Variants in PRMT8 observed in about 807,000 individuals in gnomAD.
PRMT8 encodes protein arginine N-methyltransferase 8.
A neutral mutation model predicts 47.1 loss-of-function variants in PRMT8; 7 were observed. The observed-to-expected ratio is 0.15, with a 90% CI of 0.08 to 0.28. The LOEUF is 0.28. Among genes scored for constraint, PRMT8 ranks in the 10% least tolerant of loss-of-function variants. The probability of loss-of-function intolerance (pLI) is 1.00; values close to 1 mark genes in which losing one functional copy is unlikely to be tolerated. For synonymous variants in PRMT8, 188 were observed against 186.5 expected (o/e 1.01, Z -0.07); for missense variants, 237 against 505.4 (o/e 0.47, Z 5.09).
intron 1 of PRMT8, among the ~76,000 whole-genome samples, chr12:3,424,887 C>A (rs1004488138): frequency 6.6e-6 from 1 of 152,162 alleles, no homozygotes; most frequent in Non-Finnish European, 1.5e-5. Flanking sequence ...AAATGAGTCC[C>A]GCGATGAGTT....
At chr12:3,418,801 G>C (rs572978209) in intron 1 of PRMT8, among the ~76,000 whole-genome samples, 1 of 152,010 alleles carries the variant, frequency 6.6e-6, no homozygotes, top group African/African-American at 2.4e-5. Flanking sequence ...GGAAGGGTGG[G>C]TGGGGCTGGG....
intron 4 of PRMT8, among the ~76,000 whole-genome samples, chr12:3,568,305 G>C (rs1866766513): frequency 6.6e-6 from 1 of 151,818 alleles, no homozygotes. Context: ...CTCAGGGGTG[G>C]CTGGAAGAGG....
At chr12:3,527,132 G>GT (rs1239903258) in intron 1 of PRMT8, among the ~76,000 whole-genome samples, 16 of 152,072 alleles carry the variant, frequency 1.1e-4, no homozygotes, top group African/African-American at 3.9e-4. Flanking sequence ...CCACATTAGG[G>GT]TTTATGGTAT....
chr12:3,537,111 C>A (rs1866131714), intron 1 of PRMT8, among the ~76,000 whole-genome samples: 1 of 152,204 alleles, frequency 6.6e-6, no homozygotes, highest in Non-Finnish European at 1.5e-5. Context: ...AAAGTCTTGA[C>A]CTATTTTCAT....
chr12:3,588,066 G>C (rs1867220005), intron 8 of PRMT8, among the ~76,000 whole-genome samples: 1 of 152,164 alleles, frequency 6.6e-6, no homozygotes. Context: ...TGGAAGGGCA[G>C]GAGCCCCAGC....
intron 1 of PRMT8, among the ~76,000 whole-genome samples, chr12:3,420,331 C>T (rs950431602): frequency 1.3e-5 from 2 of 152,176 alleles, no homozygotes; most frequent in Admixed American, 1.3e-4. Flanking sequence ...AAGCCATGGG[C>T]CTCAGTTTCC....
intron 4 of PRMT8, 53 bp downstream of exon 4, chr12:3,553,767 C>T (rs1591599345): frequency 1.3e-6 from 2 of 1,482,956 alleles, no homozygotes; most frequent in East Asian, 4.5e-5. Context: ...GGGAAGCTCA[C>T]ACTTTCTTGT....
chr12:3,465,927 C>T (rs1865093390), intron 1 of PRMT8, among the ~76,000 whole-genome samples: 1 of 152,104 alleles, frequency 6.6e-6, no homozygotes, highest in Non-Finnish European at 1.5e-5. Flanking sequence ...GAAATGTAGT[C>T]AACACTCCTA....
At chr12:3,388,486 C>T (rs368148847) in intron 1 of PRMT8, among the ~76,000 whole-genome samples, 4 of 152,222 alleles carry the variant, frequency 2.6e-5, no homozygotes, top group East Asian at 1.9e-4. Context: ...ATCTGTGGAG[C>T]GATACTTTGA....
chr12:3,572,304 C>G lies in PRMT8; in HGVS notation c.712+2740C>G, dbSNP rs1591609678. Among the ~76,000 whole-genome samples, 1 of 152,316 alleles carries G rather than the reference C, an allele frequency of 6.6e-6. No individual in the cohort carries two copies. Among genetic ancestry groups the G allele is most frequent in the East Asian group, 1.9e-4 (1 of 5,184 alleles). On this transcript the variant is annotated intron_variant, in intron 6 of 9. Transcript: ENST00000382622. The surrounding 1 kb of genome is among the most constrained non-coding windows in gnomAD (Gnocchi z 5.9). ...GGGATGTGCAAGGTGTAGTATTTAA[C>G]TCTTAGAGAGGAGCAATCATTTTAC...
At chr12:3,381,381 G>A (rs1400679640) in exon 1 of PRMT8, 1 of 1,535,930 alleles carries the variant, frequency 6.5e-7, no homozygotes, top group Non-Finnish European at 8.7e-7. Context: ...CTGTTTGAAT[G>A]TGTGCCAGGT....
intron 1 of PRMT8, among the ~76,000 whole-genome samples, chr12:3,387,461 C>A (rs1270735929): frequency 6.6e-6 from 1 of 152,214 alleles, no homozygotes; most frequent in Non-Finnish European, 1.5e-5. Flanking sequence ...TGATGTCTCC[C>A]TGCTTTGTAG....
At chr12:3,431,090 G>C (rs1378400047) in intron 1 of PRMT8, among the ~76,000 whole-genome samples, 1 of 143,814 alleles carries the variant, frequency 7.0e-6, no homozygotes, top group Non-Finnish European at 1.5e-5. Context: ...GCAGGGCCTT[G>C]TGTGTCATGC....
intron 1 of PRMT8, among the ~76,000 whole-genome samples, chr12:3,420,449 T>G (rs916392480): frequency 3.3e-5 from 5 of 152,178 alleles, no homozygotes; most frequent in Non-Finnish European, 7.4e-5. Flanking sequence ...GGACCCCCTT[T>G]GTATGAGCCT....
chr12:3,382,794 C>G lies in PRMT8; in HGVS notation c.48+1352C>G, dbSNP rs535997350. Among the ~76,000 whole-genome samples, 148 of 152,198 alleles carry G rather than the reference C, an allele frequency of 9.7e-4. 1 individual carries two copies. The highest frequency in any genetic ancestry group is 7.4e-5 in the Non-Finnish European group (5 of 68,016). On this transcript the variant is annotated intron_variant, in intron 1 of 9. Transcript: ENST00000452611. ...TCAAATCTAAGATCTCTTGGCCTAA[C>G]CCTAGATCATGAAAATTTTCTCCTG...
At chr12:3,455,207 T>C (rs1375516713) in intron 1 of PRMT8, among the ~76,000 whole-genome samples, 1 of 152,146 alleles carries the variant, frequency 6.6e-6, no homozygotes, top group African/African-American at 2.4e-5. Flanking sequence ...AACTGGTCTG[T>C]TACTGTGTAA....
chr12:3,402,135 T>TATA (rs142418054), intron 1 of PRMT8, among the ~76,000 whole-genome samples: 1,592 of 151,418 alleles, frequency 0.011, 38 homozygotes, highest in African/African-American at 0.036. Context: ...GAACAAACAC[T>TATA]GACTAGTGGA....
chr12:3,455,594 G>A (rs1015879463), intron 1 of PRMT8, among the ~76,000 whole-genome samples: 1 of 152,168 alleles, frequency 6.6e-6, no homozygotes, highest in African/African-American at 2.4e-5. Flanking sequence ...GCATGGAGGA[G>A]GCACCACGCT....
chr12:3,512,577 T>C (rs1865729676), intron 1 of PRMT8, among the ~76,000 whole-genome samples: 1 of 152,162 alleles, frequency 6.6e-6, no homozygotes, highest in African/African-American at 2.4e-5. Context: ...TCAACTCCCC[T>C]GCCCCAATCT....
Sources: allele counts gnomAD v4.1 joint callset (sites outside exome capture counted in the v4.1 genomes callset), GRCh38; gene constraint gnomAD v4.1.1; non-coding constraint Gnocchi (gnomAD v3.1); transcripts MANE v1.5; gene names NCBI Gene and HGNC (gene_info 2026-07-23, HGNC 2026-07-21).